Variants in MTSS1 observed in about 807,000 individuals in gnomAD.
The protein encoded by MTSS1 is protein MTSS 1.
A neutral mutation model predicts 79.0 loss-of-function variants in MTSS1; 18 were observed. That is an observed-to-expected ratio of 0.23 (90% CI 0.16 to 0.34). The LOEUF (loss-of-function observed/expected upper bound fraction) is 0.34. Ranked by LOEUF, MTSS1 falls within the 10% of genes least tolerant of loss-of-function variation. MTSS1 has a pLI of 1.00. For missense variants in MTSS1, 815 were observed against 986.2 expected (o/e 0.83, Z 2.33); for synonymous variants, 341 against 368.6 (o/e 0.93, Z 0.86).
chr8:124,678,657 G>C (rs1587760573), intron 3 of MTSS1, among the ~76,000 whole-genome samples: 1 of 152,262 alleles, frequency 6.6e-6, no homozygotes, highest in African/African-American at 2.4e-5. Context: ...CTCCCACCAG[G>C]TCCCTCCCAC....
At chr8:124,589,759 C>G in intron 4 of MTSS1, 48 bp from the exon 5 acceptor site, 1 of 1,293,182 alleles carries the variant, frequency 7.7e-7, no homozygotes. Flanking sequence ...TAGATACATT[C>G]TGTTGTCAGG....
intron 3 of MTSS1, among the ~76,000 whole-genome samples, chr8:124,691,337 C>T (rs547784813): frequency 6.3e-4 from 96 of 152,208 alleles, no homozygotes; most frequent in African/African-American, 2.3e-3. Context: ...ACATAATAAC[C>T]ACAGTTTTTA....
At chr8:124,668,615 C>T (rs774595641) in intron 3 of MTSS1, among the ~76,000 whole-genome samples, 17 of 152,102 alleles carry the variant, frequency 1.1e-4, no homozygotes, top group Non-Finnish European at 2.1e-4. Flanking sequence ...ATGCCAGACT[C>T]GGCTATTAGG....
intron 3 of MTSS1, among the ~76,000 whole-genome samples, chr8:124,692,422 A>G (rs1435610987): frequency 6.6e-6 from 1 of 152,238 alleles, no homozygotes; most frequent in African/African-American, 2.4e-5. Flanking sequence ...GACTCTAATT[A>G]CACGAAAGAG....
intron 3 of MTSS1, among the ~76,000 whole-genome samples, chr8:124,594,824 C>T (rs960002281): frequency 2.0e-5 from 3 of 152,196 alleles, no homozygotes; most frequent in Non-Finnish European, 4.4e-5. Flanking sequence ...TGTGGAAGTG[C>T]TTAACATCTT....
chr8:124,565,628 C>G (rs2303952), intron 9 of MTSS1, 34 bp downstream of exon 9: 913,019 of 1,570,836 alleles, frequency 0.58, 270,634 homozygotes, highest in Non-Finnish European at 0.61. Context: ...AATGACCCGT[C>G]CTGAAAGCAA....
intron 3 of MTSS1, among the ~76,000 whole-genome samples, chr8:124,681,810 C>T (rs901494430): frequency 6.6e-6 from 1 of 151,848 alleles, no homozygotes; most frequent in African/African-American, 2.4e-5. Context: ...TAAAACAAAA[C>T]AAAACTGCTT....
chr8:124,652,508 A>G (rs1449770455), intron 3 of MTSS1, among the ~76,000 whole-genome samples: 2 of 152,206 alleles, frequency 1.3e-5, no homozygotes, highest in African/African-American at 4.8e-5. Flanking sequence ...ACAGAAATAC[A>G]AAACAAGCCA....
chr8:124,648,244 G>A (rs1402864620), intron 3 of MTSS1, among the ~76,000 whole-genome samples: 3 of 152,218 alleles, frequency 2.0e-5, no homozygotes, highest in South Asian at 2.1e-4. Context: ...TGAGTGATCC[G>A]GTGAAAGGGT....
intron 3 of MTSS1, among the ~76,000 whole-genome samples, chr8:124,599,629 G>T (rs918206150): frequency 2.0e-5 from 3 of 150,658 alleles, no homozygotes; most frequent in African/African-American, 7.3e-5. Flanking sequence ...GCCTGTGACT[G>T]TATCAGGAAT....
intron 3 of MTSS1, among the ~76,000 whole-genome samples, chr8:124,651,222 A>G (rs977587455): frequency 2.6e-5 from 4 of 152,208 alleles, no homozygotes; most frequent in Admixed American, 1.3e-4. Flanking sequence ...TCAGTATTAA[A>G]GCCCCATGCA....
At position 124,623,974 on chromosome 8, in the gene MTSS1, A is replaced by T. The variant is rs1011123231; in HGVS notation, c.209-32739T>A. 2.2e-4 allele frequency among the ~76,000 whole-genome samples: 34 copies of T among 152,186 alleles called. 1 individual carries two copies. The highest frequency in any genetic ancestry group is 1.4e-3 in the Admixed American group (22 of 15,276). The stretch of plus-strand genomic sequence containing the variant: ...TAAGCACCTTCTAAAACTCACTGCC[A>T]TCTTGCCTTTCTCTGGGAAAGTAAG... On this transcript the variant is annotated intron_variant, in intron 3 of 13. Coordinates refer to ENST00000518547, the MANE Select transcript of MTSS1 (RefSeq NM_014751.6).
At chr8:124,595,661 C>A (rs918106803) in intron 3 of MTSS1, among the ~76,000 whole-genome samples, 1 of 152,206 alleles carries the variant, frequency 6.6e-6, no homozygotes, top group African/African-American at 2.4e-5. Context: ...AGACCCTTAA[C>A]CACATCACCA....
chr8:124,589,723 C>CG lies in MTSS1; in HGVS notation c.294-13dup, dbSNP rs141357674. ...AATCAATTAAAGCGCTTTTACCAAG[C>CG]GGGGGGGAAAAAGGGAGAAATTAAA... On this transcript the variant is annotated splice_polypyrimidine_tract_variant and intron_variant, in intron 4 of 13. Coordinates refer to ENST00000518547, the MANE Select transcript of MTSS1 (RefSeq NM_014751.6). 124 of 1,575,114 alleles carry CG rather than the reference C, an allele frequency of 7.9e-5. No homozygotes were observed. Among genetic ancestry groups the CG allele is most frequent in the Middle Eastern group, 5.0e-4 (3 of 5,950 alleles).
chr8:124,669,856 G>A (rs751493067), intron 3 of MTSS1, among the ~76,000 whole-genome samples: 26 of 152,106 alleles, frequency 1.7e-4, no homozygotes, highest in African/African-American at 3.4e-4. Context: ...GATGGTACGC[G>A]CGTCTTGCTC....
chr8:124,609,471 C>T (rs1009940095), intron 3 of MTSS1, among the ~76,000 whole-genome samples: 1 of 152,214 alleles, frequency 6.6e-6, no homozygotes, highest in Admixed American at 6.5e-5. Context: ...AGGACATTCA[C>T]GTAACCTTCA....
At chr8:124,587,618 C>A (rs1831094005) in intron 5 of MTSS1, among the ~76,000 whole-genome samples, 1 of 152,200 alleles carries the variant, frequency 6.6e-6, no homozygotes, top group Non-Finnish European at 1.5e-5. Flanking sequence ...TGTGTCTCAG[C>A]CTCCCGAGTA....
At position 124,556,224 on chromosome 8, in the gene MTSS1, A is replaced by G; in HGVS notation, c.1404+8T>C. ...GCCCCAACCAGCTACTGAGAACAAGAGCATCACCCTGGTGGCAGCCGATAC... is the reference window on the plus strand; with the variant it reads ...GCCCCAACCAGCTACTGAGAACAAGGGCATCACCCTGGTGGCAGCCGATAC... On this transcript the variant is annotated splice_region_variant and intron_variant, in intron 12 of 13. Transcript: ENST00000518547. 4 of 1,614,176 alleles carry G rather than the reference A, an allele frequency of 2.5e-6. No individual in the cohort carries two copies. Among genetic ancestry groups the G allele is most frequent in the South Asian group, 1.1e-5 (1 of 91,068 alleles).
chr8:124,688,642 T>A (rs989229077), intron 3 of MTSS1, among the ~76,000 whole-genome samples: 1 of 152,188 alleles, frequency 6.6e-6, no homozygotes, highest in Non-Finnish European at 1.5e-5. Context: ...ACGGGTTTCT[T>A]ATTAACAAAC....
Sources: gnomAD v4.1 joint callset for allele counts (sites outside exome capture counted in the v4.1 genomes callset) on GRCh38, gnomAD v4.1.1 for gene constraint, MANE v1.5 for transcripts, NCBI Gene and HGNC (gene_info 2026-07-23, HGNC 2026-07-21) for gene names.